Variants in NRP1 observed in about 807,000 individuals in gnomAD.
The protein encoded by NRP1 is neuropilin 1, also known as neuropilin-1.
NRP1 carries 35 observed loss-of-function variants against 106.7 expected under a neutral mutation model. The ratio of observed to expected loss-of-function variants is 0.33; its 90% CI spans 0.25 to 0.43. The LOEUF (loss-of-function observed/expected upper bound fraction) is 0.43, where lower values mean the gene tolerates loss of function less well. NRP1 is among the 20% of genes least tolerant of loss of function. The probability of loss-of-function intolerance (pLI) is 1.00; values close to 1 mark genes in which losing one functional copy is unlikely to be tolerated. For synonymous variants in NRP1, 437 were observed against 417.9 expected (o/e 1.05, Z -0.56); for missense variants, 1,024 against 1,170.4 (o/e 0.87, Z 1.83).
At chr10:33,191,308 A>C (rs1360622115) in intron 13 of NRP1, among the ~76,000 whole-genome samples, 7 of 152,324 alleles carry the variant, frequency 4.6e-5, no homozygotes, top group African/African-American at 1.4e-4. Flanking sequence ...TTAGGAAGAA[A>C]GTAAGGCAGG....
At chr10:33,202,585 TAATG>T (rs1837421502) in intron 11 of NRP1, 9 of 872,730 alleles carry the variant, frequency 1.0e-5, no homozygotes, top group South Asian at 6.0e-5. Flanking sequence ...GGTCTGAAAA[TAATG>T]AAAATAAGGA....
intron 2 of NRP1, among the ~76,000 whole-genome samples, chr10:33,324,414 G>A (rs1014799399): frequency 1.3e-5 from 2 of 152,172 alleles, no homozygotes; most frequent in African/African-American, 2.4e-5. Context: ...AGAAAAATAC[G>A]GCAAAGGAGA....
chr10:33,293,469 G>A (rs950436352), intron 2 of NRP1, among the ~76,000 whole-genome samples: 14 of 152,058 alleles, frequency 9.2e-5, no homozygotes, highest in Non-Finnish European at 1.6e-4. Flanking sequence ...AAACTGTCAC[G>A]GACCGGAATT....
At position 33,244,355 on chromosome 10, in the gene NRP1, CAAT is replaced by C. The variant is rs1210265247; in HGVS notation, c.981+9670_981+9672del. On this transcript the variant is annotated intron_variant, in intron 6 of 16. Transcript: ENST00000374867. ...ACATTAATGCACTCTGTAAAAGGTG[CAAT>C]TATTACCGCTGGGACAGAAATCAAC... 5.9e-5 allele frequency among the ~76,000 whole-genome samples: 9 copies of C among 152,246 alleles called. 1 individual carries two copies. The South Asian group carries it at 1.9e-3, about 32-fold the overall frequency.
At chr10:33,233,289 C>A (rs545681499) in intron 6 of NRP1, among the ~76,000 whole-genome samples, 1 of 152,212 alleles carries the variant, frequency 6.6e-6, no homozygotes, top group African/African-American at 2.4e-5. Flanking sequence ...CTACCATGCT[C>A]CCAACTTACT....
At chr10:33,192,502 C>T in intron 12 of NRP1, 84 bp from the exon 13 acceptor site, 2 of 1,431,718 alleles carry the variant, frequency 1.4e-6, no homozygotes, top group Non-Finnish European at 1.9e-6. Context: ...CCTTGGTTCA[C>T]TCATGGAAAG....
At chr10:33,218,053 C>G (rs4244999) in intron 8 of NRP1, among the ~76,000 whole-genome samples, 1 of 151,920 alleles carries the variant, frequency 6.6e-6, no homozygotes, top group Non-Finnish European at 1.5e-5. Flanking sequence ...GAGATCATCA[C>G]TGTGAATTCT....
intron 7 of NRP1, among the ~76,000 whole-genome samples, chr10:33,225,004 T>A (rs1164097183): frequency 6.6e-6 from 1 of 152,196 alleles, no homozygotes; most frequent in East Asian, 1.9e-4. Flanking sequence ...GAATCAGTCA[T>A]GAAACTTGGG....
intron 2 of NRP1, among the ~76,000 whole-genome samples, chr10:33,327,419 A>C (rs893912257): frequency 6.6e-6 from 1 of 152,172 alleles, no homozygotes; most frequent in African/African-American, 2.4e-5. Flanking sequence ...ACAAGGAAAA[A>C]TATTAAATGT....
intron 13 of NRP1, among the ~76,000 whole-genome samples, chr10:33,191,351 T>G (rs1836399028): frequency 6.6e-6 from 1 of 152,196 alleles, no homozygotes; most frequent in Admixed American, 6.5e-5. Flanking sequence ...TAGGGCATGG[T>G]GAGGTTTCTA....
At chr10:33,217,850 G>A (rs1411923) in intron 8 of NRP1, among the ~76,000 whole-genome samples, 42,820 of 151,970 alleles carry the variant, frequency 0.28, 6,471 homozygotes, top group East Asian at 0.62. Flanking sequence ...TATTTTCAGT[G>A]ATATTATTTT....
intron 1 of NRP1, among the ~76,000 whole-genome samples, chr10:33,332,592 T>C (rs2132986290): frequency 6.6e-6 from 1 of 152,350 alleles, no homozygotes; most frequent in South Asian, 2.1e-4. Context: ...TAAGATAATG[T>C]GGACTGCTAG....
intron 2 of NRP1, among the ~76,000 whole-genome samples, chr10:33,288,089 A>T (rs1488144374): frequency 2.0e-5 from 3 of 152,176 alleles, no homozygotes; most frequent in Non-Finnish European, 4.4e-5. Context: ...TAAAAAATAA[A>T]ATATATATCC....
At chr10:33,259,127 G>A (rs192169227) in intron 4 of NRP1, among the ~76,000 whole-genome samples, 1 of 152,250 alleles carries the variant, frequency 6.6e-6, no homozygotes, top group East Asian at 1.9e-4. Context: ...CAATTCCTTT[G>A]GGGAGGGCGG....
chr10:33,183,373 G>T (rs923864306), intron 15 of NRP1, among the ~76,000 whole-genome samples: 20 of 151,738 alleles, frequency 1.3e-4, no homozygotes, highest in African/African-American at 4.8e-4. Flanking sequence ...GAAGAGACAT[G>T]GTTTTGGCAT....
At chr10:33,222,347 T>C (rs552182134) in intron 7 of NRP1, among the ~76,000 whole-genome samples, 1 of 152,318 alleles carries the variant, frequency 6.6e-6, no homozygotes, top group East Asian at 1.9e-4. Flanking sequence ...TTTGACTTCA[T>C]TCCTTGATGG....
At chr10:33,214,490 G>A (rs530538381) in intron 8 of NRP1, among the ~76,000 whole-genome samples, 1 of 152,194 alleles carries the variant, frequency 6.6e-6, no homozygotes, top group South Asian at 2.1e-4. Context: ...GTACAAGAAA[G>A]CAACAGAACT....
chr10:33,291,324 A>G (rs150593242), intron 2 of NRP1, among the ~76,000 whole-genome samples: 17 of 152,306 alleles, frequency 1.1e-4, no homozygotes, highest in African/African-American at 3.6e-4. Context: ...CCCAATCCCC[A>G]CAATACACAG....
chr10:33,256,435 G>A lies in NRP1; in HGVS notation c.695C>T (p.Thr232Ile), dbSNP rs1842202163. The change falls in exon 5 of 17, where the codon ACA (threonine) becomes ATA (isoleucine). Residue 232 changes from threonine to isoleucine, a missense_variant. By Grantham distance (89) the Thr-to-Ile change is moderately conservative. This residue lies in a region of NRP1 where 279 missense variants were observed against 327.4 expected (regional missense o/e 0.85). Coordinates refer to ENST00000374867, the MANE Select transcript of NRP1 (RefSeq NM_003873.7). ...PHIGRYCGQK[T>I]PGRIRSSSGI... The stretch of plus-strand genomic sequence containing the variant: ...CGATGAGGATCGGATTCGACCTGGT[G>A]TTTTCTGTCCACAGTAACGCCCAAT... 1 of 1,614,094 alleles carries A rather than the reference G, an allele frequency of 6.2e-7. No homozygotes were observed. The highest frequency in any genetic ancestry group is 1.3e-5 in the African/African-American group (1 of 74,922).
Sources: gnomAD v4.1 joint callset for allele counts (sites outside exome capture counted in the v4.1 genomes callset) on GRCh38, gnomAD v4.1.1 for gene constraint, gnomAD v4.1.1 regional missense constraint, MANE v1.5 for transcripts, NCBI Gene and HGNC (gene_info 2026-07-23, HGNC 2026-07-21) for gene names.